Variants in EVA1A observed in about 807,000 individuals in gnomAD.
EVA1A encodes eva-1 homolog A, regulator of programmed cell death, also known as protein eva-1 homolog A.
In EVA1A, 7 loss-of-function variants were observed where a neutral mutation model predicts 9.8. The ratio of observed to expected loss-of-function variants is 0.71; its 90% confidence interval spans 0.41 to 1.34. The LOEUF is 1.34. EVA1A is among the 40% of genes most tolerant of loss of function. The pLI, the probability that EVA1A is intolerant of heterozygous loss-of-function variation, is 0.01. For missense variants in EVA1A, 206 were observed against 205.9 expected (o/e 1.00, Z 0.00); for synonymous variants, 90 against 85.6 (o/e 1.05, Z -0.28).
At chr2:75,545,633 G>A (rs924746095) in intron 1 of EVA1A, among the ~76,000 whole-genome samples, 2 of 152,148 alleles carry the variant, frequency 1.3e-5, no homozygotes, top group Non-Finnish European at 2.9e-5. Context: ...ATGTGATTCC[G>A]GGGAAGGAGG....
intron 1 of EVA1A, among the ~76,000 whole-genome samples, chr2:75,525,353 T>C (rs1395613065): frequency 6.6e-6 from 1 of 152,194 alleles, no homozygotes; most frequent in Non-Finnish European, 1.5e-5. Context: ...TTCACAGCCA[T>C]ACATCTTCAT....
intron 3 of EVA1A, among the ~76,000 whole-genome samples, chr2:75,516,411 TAAA>T (rs1333318408): frequency 3.3e-5 from 5 of 152,198 alleles, no homozygotes; most frequent in Non-Finnish European, 5.9e-5. Context: ...CGTACTTACT[TAAA>T]GAAGCATTGT....
At chr2:75,544,904 G>A (rs1409291134) in intron 1 of EVA1A, among the ~76,000 whole-genome samples, 1 of 152,178 alleles carries the variant, frequency 6.6e-6, no homozygotes, top group African/African-American at 2.4e-5. Context: ...TCTAGCTGTT[G>A]CATGTTGTAC....
rs1365278351 is a variant in EVA1A at position 75,560,670 on chromosome 2, C to G, written c.-192+10G>C. 1.3e-5 allele frequency: 2 copies of G among 152,216 alleles called. No individual in the cohort carries two copies. The highest frequency in any genetic ancestry group is 4.8e-5 in the African/African-American group (2 of 41,436). 9.4% of individuals were successfully genotyped at this position (152,216 alleles called of 1,614,324 possible). On this transcript the variant is annotated intron_variant, in intron 1 of 3. Transcript: ENST00000393913. ...CCAGAGTTCAGGGAGCGCTCTCGGG[C>G]ACCTCTTACCTTTGCTGGGGCCCCG...
At chr2:75,513,472 A>AT (rs1314687499) in intron 3 of EVA1A, among the ~76,000 whole-genome samples, 1 of 151,688 alleles carries the variant, frequency 6.6e-6, no homozygotes, top group Non-Finnish European at 1.5e-5. Flanking sequence ...TGTATTCAAC[A>AT]TTTTTTTTAG....
intron 1 of EVA1A, among the ~76,000 whole-genome samples, chr2:75,547,248 G>C (rs905945984): frequency 6.6e-6 from 1 of 152,196 alleles, no homozygotes; most frequent in Non-Finnish European, 1.5e-5. Context: ...GAGCTGCACA[G>C]GTTCATGGAT....
intron 1 of EVA1A, among the ~76,000 whole-genome samples, chr2:75,548,459 C>T (rs886854436): frequency 6.6e-6 from 1 of 152,120 alleles, no homozygotes; most frequent in African/African-American, 2.4e-5. Context: ...TTGCCACTCC[C>T]CTATGTCCCA....
chr2:75,506,269 A>G (rs1674618079), intron 3 of EVA1A, among the ~76,000 whole-genome samples: 1 of 152,224 alleles, frequency 6.6e-6, no homozygotes, highest in Non-Finnish European at 1.5e-5. Flanking sequence ...TTGCCTTGCA[A>G]TGGATTCTCA....
At chr2:75,556,081 C>A (rs922119585) in intron 1 of EVA1A, among the ~76,000 whole-genome samples, 1 of 152,176 alleles carries the variant, frequency 6.6e-6, no homozygotes, top group Non-Finnish European at 1.5e-5. Context: ...TGGTACAAAC[C>A]AGGTCTTCAT....
chr2:75,568,942 G>A (rs762844169), intron 1 of EVA1A, among the ~76,000 whole-genome samples: 2 of 152,102 alleles, frequency 1.3e-5, no homozygotes, highest in Non-Finnish European at 2.9e-5. Context: ...ATAAACATGT[G>A]TTGCATGTGT....
intron 1 of EVA1A, among the ~76,000 whole-genome samples, chr2:75,555,187 G>C (rs1297397534): frequency 6.6e-6 from 1 of 152,186 alleles, no homozygotes; most frequent in African/African-American, 2.4e-5. Context: ...TGGGCTCAAA[G>C]AAAGACTGCA....
At chr2:75,512,526 C>T (rs1674852695) in intron 3 of EVA1A, among the ~76,000 whole-genome samples, 1 of 152,062 alleles carries the variant, frequency 6.6e-6, no homozygotes, top group Non-Finnish European at 1.5e-5. Context: ...TAAGAAAAAA[C>T]CTGGCAAGTG....
At chr2:75,494,906 C>T (rs1436159697) in intron 3 of EVA1A, among the ~76,000 whole-genome samples, 3 of 152,132 alleles carry the variant, frequency 2.0e-5, no homozygotes, top group Non-Finnish European at 4.4e-5. Context: ...GAGAAGATAA[C>T]AGTCATTCTG....
intron 3 of EVA1A, among the ~76,000 whole-genome samples, chr2:75,495,056 C>A (rs1391002062): frequency 1.3e-5 from 2 of 152,086 alleles, no homozygotes; most frequent in East Asian, 3.9e-4. Context: ...GTACACCGTA[C>A]CCAATGTATG....
At chr2:75,532,419 A>G (rs181625143) in intron 1 of EVA1A, among the ~76,000 whole-genome samples, 112 of 152,308 alleles carry the variant, frequency 7.4e-4, no homozygotes, top group African/African-American at 2.6e-3. Flanking sequence ...CAACAATAAT[A>G]AAAGCCAACG....
chr2:75,503,139 T>C (rs1393585164), intron 3 of EVA1A, among the ~76,000 whole-genome samples: 1 of 152,190 alleles, frequency 6.6e-6, no homozygotes, highest in Non-Finnish European at 1.5e-5. Context: ...GGGAATTCAC[T>C]GGATCCCAAG....
At chr2:75,548,352 G>A (rs1166082124) in intron 1 of EVA1A, among the ~76,000 whole-genome samples, 2 of 152,020 alleles carry the variant, frequency 1.3e-5, no homozygotes, top group Non-Finnish European at 2.9e-5. Flanking sequence ...CCTGGCTGGT[G>A]CTGAACTCCT....
At chr2:75,523,134 A>G (rs2103861944) in intron 1 of EVA1A, among the ~76,000 whole-genome samples, 1 of 152,338 alleles carries the variant, frequency 6.6e-6, no homozygotes, top group East Asian at 1.9e-4. Context: ...TTCATTCGTC[A>G]TCATCACACC....
At chr2:75,534,714 T>TA (rs1447293193) in intron 1 of EVA1A, among the ~76,000 whole-genome samples, 2 of 152,226 alleles carry the variant, frequency 1.3e-5, no homozygotes, top group African/African-American at 4.8e-5. Flanking sequence ...GGTTGTTTGT[T>TA]ACTCTGTTAA....
Sources: gnomAD v4.1 joint callset for allele counts (sites outside exome capture counted in the v4.1 genomes callset) on GRCh38, gnomAD v4.1.1 for gene constraint, MANE v1.5 for transcripts, NCBI Gene and HGNC (gene_info 2026-07-23, HGNC 2026-07-21) for gene names.